Variants in PTPRN2 observed in about 807,000 individuals in gnomAD.
PTPRN2 encodes the protein protein tyrosine phosphatase receptor type N2, also known as receptor-type tyrosine-protein phosphatase N2.
Under a neutral mutation model 118.8 loss-of-function variants are expected in PTPRN2, and 74 were observed. The ratio of observed to expected loss-of-function variants is 0.62; its 90% CI spans 0.52 to 0.76. The LOEUF (loss-of-function observed/expected upper bound fraction) is 0.76, where lower values mean the gene tolerates loss of function less well. PTPRN2 is among the 30% of genes least tolerant of loss of function. The pLI is 0.00. For missense variants in PTPRN2, 1,481 were observed against 1,394.4 expected (o/e 1.06, Z -0.99); for synonymous variants, 641 against 608.0 (o/e 1.05, Z -0.80).
At chr7:157,947,009 G>A (rs1033759812) in intron 11 of PTPRN2, among the ~76,000 whole-genome samples, 3 of 152,212 alleles carry the variant, frequency 2.0e-5, no homozygotes, top group African/African-American at 7.2e-5. Context: ...GCCCTGGCCT[G>A]CCCTGGGTGT....
intron 3 of PTPRN2, among the ~76,000 whole-genome samples, chr7:158,303,668 T>C (rs921681259): frequency 2.6e-5 from 4 of 152,316 alleles, no homozygotes; most frequent in Non-Finnish European, 5.9e-5. Flanking sequence ...ATTTTATTCA[T>C]GGAAGAAAAT....
Position 157,953,471 on chromosome 7 carries a change from C to T in PTPRN2, c.1724-54734G>A, listed in dbSNP as rs1252600378. On this transcript the variant is annotated intron_variant, in intron 11 of 22. Coordinates refer to ENST00000389418, the MANE Select transcript of PTPRN2 (RefSeq NM_002847.5). The surrounding 1 kb of genome is among the most constrained non-coding windows in gnomAD (Gnocchi z 4.6). ...CAGGATACAGCGGAGTGCCCGTCAC[C>T]ACCTGCCCACCTTCTTCACACCATG... Among the ~76,000 whole-genome samples, 1 of 152,158 alleles carries T rather than the reference C, an allele frequency of 6.6e-6. No homozygotes were observed. The highest frequency in any genetic ancestry group is 1.5e-5 in the Non-Finnish European group (1 of 68,038).
intron 6 of PTPRN2, among the ~76,000 whole-genome samples, chr7:158,140,691 G>T (rs571171656): frequency 3.7e-4 from 56 of 152,242 alleles, no homozygotes; most frequent in Non-Finnish European, 4.6e-4. Context: ...GCTGGGGCAG[G>T]AGGAAGCGTC....
intron 12 of PTPRN2, among the ~76,000 whole-genome samples, chr7:157,876,366 G>A (rs1198767038): frequency 3.9e-5 from 6 of 152,202 alleles, no homozygotes; most frequent in South Asian, 2.1e-4. Context: ...AACCAGCAGC[G>A]GCCCCAGGAC....
intron 6 of PTPRN2, among the ~76,000 whole-genome samples, chr7:158,153,141 T>C (rs1168959014): frequency 6.6e-6 from 1 of 152,118 alleles, no homozygotes; most frequent in Non-Finnish European, 1.5e-5. Flanking sequence ...ATGCCGAGTG[T>C]GGCCGGGGCA....
At chr7:158,415,230 G>A (rs946273096) in intron 2 of PTPRN2, among the ~76,000 whole-genome samples, 1 of 152,096 alleles carries the variant, frequency 6.6e-6, no homozygotes, top group African/African-American at 2.4e-5. Context: ...GGGCCCCAGC[G>A]ACAGTATTGG....
At chr7:158,189,100 G>A (rs899325152) in intron 5 of PTPRN2, among the ~76,000 whole-genome samples, 23 of 152,186 alleles carry the variant, frequency 1.5e-4, no homozygotes, top group African/African-American at 4.1e-4. Flanking sequence ...CTCATAGCAC[G>A]AATTGCTCAA....
At chr7:157,754,837 T>C (rs372521234) in intron 12 of PTPRN2, among the ~76,000 whole-genome samples, 10 of 152,020 alleles carry the variant, frequency 6.6e-5, no homozygotes, top group African/African-American at 2.4e-4. Flanking sequence ...TCATGAACAC[T>C]CTGCAGCGGG....
chr7:157,910,499 T>C (rs1184050385), intron 11 of PTPRN2, among the ~76,000 whole-genome samples: 67 of 118,910 alleles, frequency 5.6e-4, no homozygotes, highest in South Asian at 1.1e-3. Flanking sequence ...GGATCACGCA[T>C]GTACGCCGTG....
chr7:158,432,238 C>A (rs1816263554), intron 2 of PTPRN2, among the ~76,000 whole-genome samples: 1 of 152,230 alleles, frequency 6.6e-6, no homozygotes, highest in Admixed American at 6.5e-5. Context: ...GGGAACCACA[C>A]ACAGTGACTC....
At chr7:158,156,541 T>C (rs1181610826) in intron 6 of PTPRN2, among the ~76,000 whole-genome samples, 1 of 152,188 alleles carries the variant, frequency 6.6e-6, no homozygotes, top group Non-Finnish European at 1.5e-5. Context: ...GCCCTCGTAA[T>C]GGGAACAGTT....
At chr7:158,163,560 G>C (rs529116032) in intron 6 of PTPRN2, among the ~76,000 whole-genome samples, 2 of 150,334 alleles carry the variant, frequency 1.3e-5, no homozygotes, top group Admixed American at 1.3e-4. Flanking sequence ...CATAGGTGAC[G>C]CCTGTACGGG....
At chr7:158,243,292 C>A (rs1585952720) in intron 3 of PTPRN2, among the ~76,000 whole-genome samples, 1 of 152,194 alleles carries the variant, frequency 6.6e-6, no homozygotes, top group East Asian at 1.9e-4. Flanking sequence ...TCTTCTCTCC[C>A]AAAATTAATC....
Position 158,070,519 on chromosome 7 carries a change from C to G in PTPRN2, c.1723+10779G>C, listed in dbSNP as rs1180813108. On this transcript the variant is annotated intron_variant, in intron 11 of 22. Transcript: ENST00000389418. ...AGGTGCCCGTGGTGGTGGAGGTGCT[C>G]CTGGTGGTGGAGGTGCTCCTGGTGG... Among the ~76,000 whole-genome samples the G allele has an allele frequency of 3.8e-3, 342 of 90,202 alleles. 4 individuals carry two copies. The highest frequency in any genetic ancestry group is 0.017 in the African/African-American group (322 of 19,104). The allele number at this position is 90,202 out of a possible 152,430, so 59.2% of individuals were successfully genotyped here.
At chr7:158,285,131 T>C (rs1799685630) in intron 3 of PTPRN2, among the ~76,000 whole-genome samples, 1 of 152,250 alleles carries the variant, frequency 6.6e-6, no homozygotes, top group African/African-American at 2.4e-5. Flanking sequence ...ACATACAATA[T>C]TTCTGACGTG....
rs528172150 is a variant in PTPRN2 at position 157,904,586 on chromosome 7, C to T, written c.1724-5849G>A. Among the ~76,000 whole-genome samples the T allele has an allele frequency of 5.7e-4, 87 of 152,378 alleles. 3 individuals are homozygous for T. The South Asian group carries it at 0.018, about 32-fold the overall frequency. ...GTCCAGCTTCTTGCCAGGGAAATCT[C>T]TTTGGAGATTGCTGAGTGCTTTTCG... On this transcript the variant is annotated intron_variant, in intron 11 of 22. Transcript: ENST00000389418.
chr7:157,570,272 A>C lies in PTPRN2; in HGVS notation c.2837+1168T>G, dbSNP rs182003674. On this transcript the variant is annotated intron_variant, in intron 20 of 22. Transcript: ENST00000389418. ...CAGCATATATTCACATGAATATTTTAAGATATACTTCAAAAATCTTCCAAC... is the reference window on the plus strand; with the variant it reads ...CAGCATATATTCACATGAATATTTTCAGATATACTTCAAAAATCTTCCAAC... Among the ~76,000 whole-genome samples the C allele has an allele frequency of 7.6e-4, 116 of 151,834 alleles. 1 individual carries two copies. The highest frequency in any genetic ancestry group is 3.3e-3 in the South Asian group (16 of 4,828).
Position 158,521,499 on chromosome 7 carries a change from T to C in PTPRN2, c.113-31714A>G, listed in dbSNP as rs184828310. Among the ~76,000 whole-genome samples the C allele has an allele frequency of 3.3e-5, 5 of 152,338 alleles. No homozygotes were observed. In the East Asian group the frequency reaches 9.6e-4, roughly 29 times the overall value. ...CCAAAATCAGTTGACGAATGATTTC[T>C]CAGGAGCAGCACGCTGGGTGCTGGC... On this transcript the variant is annotated intron_variant, in intron 1 of 22. Transcript: ENST00000389418.
At chr7:158,422,357 A>G (rs1239950108) in intron 2 of PTPRN2, among the ~76,000 whole-genome samples, 1 of 152,224 alleles carries the variant, frequency 6.6e-6, no homozygotes, top group Non-Finnish European at 1.5e-5. Flanking sequence ...GAGAAGTACC[A>G]ACAAACCCCA....
Sources: allele counts gnomAD v4.1 joint callset (sites outside exome capture counted in the v4.1 genomes callset), GRCh38; gene constraint gnomAD v4.1.1; non-coding constraint Gnocchi (gnomAD v3.1); transcripts MANE v1.5; gene names NCBI Gene and HGNC (gene_info 2026-07-23, HGNC 2026-07-21).